The following SMIM7 variants were observed in gnomAD, a reference collection of about 807,000 sequenced individuals.
The protein encoded by SMIM7 is small integral membrane protein 7.
Under a neutral mutation model 13.3 loss-of-function variants are expected in SMIM7, and 12 were observed. The ratio of observed to expected loss-of-function variants is 0.90; its 90% CI spans 0.58 to 1.46. SMIM7 has a LOEUF of 1.46. SMIM7 is among the 40% of genes most tolerant of loss of function. SMIM7 has a pLI of 0.00. For synonymous variants in SMIM7, 36 were observed against 35.8 expected (o/e 1.01, Z -0.02); for missense variants, 114 against 94.8 (o/e 1.20, Z -0.84).
At chr19:16,655,928 G>A (rs571467504) in intron 3 of SMIM7, among the ~76,000 whole-genome samples, 3 of 152,296 alleles carry the variant, frequency 2.0e-5, no homozygotes, top group Admixed American at 6.5e-5. Flanking sequence ...GATTAGTCAC[G>A]TGCAGCACAA....
At position 16,650,407 on chromosome 19, in the gene SMIM7, A is replaced by C. The variant is rs540491003; in HGVS notation, c.213-3146T>G. ...TCTTAAACTTTCCAAAGCTCAAACA[A>C]CACAAGAGTGGGCACAGGGAGATTG... On this transcript the variant is annotated intron_variant, in intron 4 of 4. Transcript: ENST00000487416. Among the ~76,000 whole-genome samples, 15 of 152,316 alleles carry C rather than the reference A, an allele frequency of 9.8e-5. No individual in the cohort carries two copies. In the East Asian group the frequency reaches 2.1e-3, roughly 22 times the overall value.
chr19:16,653,721 C>T (rs2086559309), intron 4 of SMIM7: 1 of 338,336 alleles, frequency 3.0e-6, no homozygotes, highest in South Asian at 4.9e-5. Flanking sequence ...CGATGGAACC[C>T]CGTCTCTACT....
chr19:16,648,858 G>C (rs1326777890), intron 4 of SMIM7, among the ~76,000 whole-genome samples: 1 of 151,668 alleles, frequency 6.6e-6, no homozygotes, highest in African/African-American at 2.4e-5. Context: ...GAGACAAGAA[G>C]TACAAAAATT....
At position 16,659,890 on chromosome 19, in the gene SMIM7, G is replaced by A. The variant is rs372177899; in HGVS notation, c.68+69C>T. ...GGGCGGGGCCTGAGAAGTGCGCCGA[G>A]ATCACGCTTATGAGGGCGGGGCTAC... On this transcript the variant is annotated intron_variant, in intron 2 of 4. Coordinates refer to ENST00000487416, the MANE Select transcript of SMIM7 (RefSeq NM_024104.4). 39 of 1,544,346 alleles carry A rather than the reference G, an allele frequency of 2.5e-5. No homozygotes were observed. The Admixed American group carries it at 4.4e-4, about 18-fold the overall frequency.
downstream of SMIM7, among the ~76,000 whole-genome samples, chr19:16,644,419 A>G (rs1599363969): frequency 6.9e-6 from 1 of 145,056 alleles, no homozygotes; most frequent in African/African-American, 2.6e-5. Flanking sequence ...CTCTCACTGC[A>G]CTCAGTCTGT....
intron 4 of SMIM7, among the ~76,000 whole-genome samples, chr19:16,632,680 T>C (rs1243734238): frequency 6.6e-6 from 1 of 151,928 alleles, no homozygotes; most frequent in Non-Finnish European, 1.5e-5. Context: ...TACAGTTGCA[T>C]GCCACCATGC....
chr19:16,653,384 A>T (rs2086553665), intron 4 of SMIM7, among the ~76,000 whole-genome samples: 1 of 152,032 alleles, frequency 6.6e-6, no homozygotes, highest in Middle Eastern at 3.2e-3. Context: ...GGAGTTCAAG[A>T]CCAGCCTGAC....
intron 4 of SMIM7, among the ~76,000 whole-genome samples, chr19:16,652,083 G>A (rs1026930024): frequency 1.3e-5 from 2 of 149,866 alleles, no homozygotes; most frequent in Admixed American, 6.6e-5. Context: ...AGACGAGAAT[G>A]AGGGAAGAAT....
At chr19:16,648,676 G>A (rs1301870265) in intron 4 of SMIM7, among the ~76,000 whole-genome samples, 1 of 152,150 alleles carries the variant, frequency 6.6e-6, no homozygotes, top group African/African-American at 2.4e-5. Context: ...ATGAAAATAT[G>A]TTCAATATCA....
chr19:16,659,454 A>G lies in SMIM7; in HGVS notation c.69-7T>C. 6.2e-7 allele frequency: 1 copy of G among 1,612,322 alleles called. No homozygotes were observed. Among genetic ancestry groups the G allele is most frequent in the Non-Finnish European group, 8.5e-7 (1 of 1,179,410 alleles). On this transcript the variant is annotated splice_region_variant and splice_polypyrimidine_tract_variant and intron_variant, in intron 2 of 4. Transcript: ENST00000487416. ...CTGCGTGTCCTTCTTTTTCCTACAA[A>G]GAGGAGCAGACAGTGTCCACTTTCA...
intron 3 of SMIM7, chr19:16,655,248 T>G: frequency 2.2e-6 from 1 of 449,716 alleles, no homozygotes; most frequent in Admixed American, 2.4e-5. Context: ...TCTGGTCCCC[T>G]TGAATGCCAA....
At position 16,647,258 on chromosome 19, in the gene SMIM7, C is replaced by A. The variant is rs199881131; in HGVS notation, c.216G>T (p.Leu72=). 6.2e-7 allele frequency: 1 copy of A among 1,613,968 alleles called. No individual in the cohort carries two copies. Among genetic ancestry groups the A allele is most frequent in the South Asian group, 1.1e-5 (1 of 91,012 alleles). ...NIFMMFCMIV[L]FGS Reference sequence around the variant, plus strand: ...TCATCGCTGGGATTCAAGAGCCGAACAGCCTGGAGAAGTCAGAGGGCAGAA... The same window carrying A: ...TCATCGCTGGGATTCAAGAGCCGAAAAGCCTGGAGAAGTCAGAGGGCAGAA... The change falls in exon 5 of 5, where the codon CTG becomes CTT. Residue 72 remains leucine (L), a synonymous_variant. Coordinates refer to ENST00000487416, the MANE Select transcript of SMIM7 (RefSeq NM_024104.4).
chr19:16,650,380 C>G (rs1356666363), intron 4 of SMIM7, among the ~76,000 whole-genome samples: 2 of 152,208 alleles, frequency 1.3e-5, no homozygotes, highest in African/African-American at 4.8e-5. Context: ...CTTTTCATAA[C>G]TTCTTAAACT....
In SMIM7 at chr19:16,633,869, G is replaced by T. The variant is rs189167765; in HGVS notation, c.*138-2145C>A. On this transcript the variant is annotated intron_variant and NMD_transcript_variant, in intron 4 of 4. Transcript: ENST00000465250. ...CACAGAGTGAATAGAAAAAATATTG[G>T]AAGGAAACCAAAATATTGACAGCAG... 24 of 152,226 alleles carry T rather than the reference G, an allele frequency of 1.6e-4. No homozygotes were observed. The East Asian group carries it at 4.4e-3, about 28-fold the overall frequency. 9.4% of individuals were successfully genotyped at this position (152,226 alleles called of 1,614,324 possible).
At chr19:16,644,295 A>AT (rs1391275015), downstream of SMIM7, among the ~76,000 whole-genome samples, 1 of 149,398 alleles carries the variant, frequency 6.7e-6, no homozygotes, top group Non-Finnish European at 1.5e-5. Flanking sequence ...TAATTTTTGT[A>AT]TTTTTTAGTA....
At chr19:16,631,837 T>C (rs2086323496) in intron 4 of SMIM7, 2 of 152,052 alleles carry the variant, frequency 1.3e-5, no homozygotes, top group Non-Finnish European at 2.9e-5. Flanking sequence ...CCACCCTCCT[T>C]TGACCCCTAT....
chr19:16,638,464 C>A (rs924671492), intron 4 of SMIM7, among the ~76,000 whole-genome samples: 3 of 151,424 alleles, frequency 2.0e-5, no homozygotes, highest in South Asian at 4.2e-4. Context: ...CCACCATGCC[C>A]GGCTAATTTT....
chr19:16,644,207 G>A (rs555207137), downstream of SMIM7, among the ~76,000 whole-genome samples: 11 of 124,040 alleles, frequency 8.9e-5, no homozygotes, highest in East Asian at 1.4e-3. Flanking sequence ...TGCAACCTCC[G>A]CCTCCCTGGT....
rs1207972448 is a variant in SMIM7 at position 16,635,883 on chromosome 19, C to CAAAA, written c.*138-4163_*138-4160dup. ...TGGGCAACAGAGCAAGACCCTGTCT[C>CAAAA]AAAAAAAAAAAAAAAAATATATATA... On this transcript the variant is annotated intron_variant and NMD_transcript_variant, in intron 4 of 4. Coordinates refer to the SMIM7 transcript ENST00000465250. 4.2e-3 allele frequency among the ~76,000 whole-genome samples: 341 copies of CAAAA among 80,450 alleles called. 5 individuals carry two copies. Among genetic ancestry groups the CAAAA allele is most frequent in the African/African-American group, 0.015 (234 of 15,930 alleles). 52.8% of individuals were successfully genotyped at this position (80,450 alleles called of 152,430 possible). A position where few individuals can be genotyped will look rare whatever the true frequency, so the allele number is the denominator to read the frequency against.
Sources: allele counts gnomAD v4.1 joint callset (sites outside exome capture counted in the v4.1 genomes callset), GRCh38; gene constraint gnomAD v4.1.1; transcripts MANE v1.5; gene names NCBI Gene and HGNC (gene_info 2026-07-23, HGNC 2026-07-21).